The following PTPRD variants were observed in gnomAD, a reference collection of about 807,000 sequenced individuals.
PTPRD encodes receptor-type tyrosine-protein phosphatase delta.
Under a neutral mutation model 214.5 loss-of-function variants are expected in PTPRD, and 34 were observed. That is an observed-to-expected ratio of 0.16 (90% confidence interval 0.12 to 0.21). The LOEUF (loss-of-function observed/expected upper bound fraction) is 0.21, where lower values mean the gene tolerates loss of function less well. PTPRD is among the 10% of genes least tolerant of loss of function. PTPRD has a pLI of 1.00. For missense variants in PTPRD, 2,545 were observed against 2,398.7 expected, an observed-to-expected ratio of 1.06 and a Z score of -1.27; for synonymous variants, 1,128 against 845.7, an observed-to-expected ratio of 1.33 and a Z score of -5.79.
At chr9:9,201,539 T>A (rs1283301135) in intron 9 of PTPRD, among the ~76,000 whole-genome samples, 1 of 152,170 alleles carries the variant, frequency 6.6e-6, no homozygotes, top group Non-Finnish European at 1.5e-5. Flanking sequence ...AATAGAGTAC[T>A]ATATTATAGA....
chr9:9,871,987 C>T (rs1391223470), intron 5 of PTPRD, among the ~76,000 whole-genome samples: 1 of 152,088 alleles, frequency 6.6e-6, no homozygotes, highest in African/African-American at 2.4e-5. Flanking sequence ...TCATTTAATC[C>T]TCACCACAAA....
intron 9 of PTPRD, among the ~76,000 whole-genome samples, chr9:9,363,344 C>T (rs1002490720): frequency 6.6e-6 from 1 of 151,122 alleles, no homozygotes; most frequent in African/African-American, 2.4e-5. Flanking sequence ...CATATACAAG[C>T]TGGCATCATA....
chr9:9,875,752 A>G (rs924439130), intron 5 of PTPRD, among the ~76,000 whole-genome samples: 4 of 152,162 alleles, frequency 2.6e-5, no homozygotes, highest in African/African-American at 9.7e-5. Context: ...CTTTATAAAT[A>G]AAAAACATCC....
chr9:9,749,577 C>T (rs1433842133), intron 6 of PTPRD, among the ~76,000 whole-genome samples: 2 of 152,100 alleles, frequency 1.3e-5, no homozygotes, highest in South Asian at 2.1e-4. Flanking sequence ...CCTTTCATGA[C>T]TCCATAACAA....
At chr9:9,943,403 A>G (rs1298712706) in intron 4 of PTPRD, among the ~76,000 whole-genome samples, 1 of 152,154 alleles carries the variant, frequency 6.6e-6, no homozygotes, top group Non-Finnish European at 1.5e-5. Flanking sequence ...CAGGTCAGTA[A>G]GAAGTTTGAA....
rs1170190241 is a variant in PTPRD at position 9,037,472 on chromosome 9, A to G, written c.-142-18737T>C. Among the ~76,000 whole-genome samples the G allele has an allele frequency of 2.0e-5, 3 of 152,252 alleles. No individual in the cohort carries two copies. The East Asian group carries it at 5.8e-4, about 29-fold the overall frequency. On this transcript the variant is annotated intron_variant, in intron 10 of 45. Coordinates refer to ENST00000381196, the MANE Select transcript of PTPRD (RefSeq NM_002839.4). ...TTCAGCAGTACTAAGCTTTATAAATATAATGGATGGCAAAGATAGTTTGCT... is the reference window on the plus strand; with the variant it reads ...TTCAGCAGTACTAAGCTTTATAAATGTAATGGATGGCAAAGATAGTTTGCT...
chr9:9,956,280 TAAAAAAA>T (rs202114228), intron 4 of PTPRD, among the ~76,000 whole-genome samples: 1 of 127,574 alleles, frequency 7.8e-6, no homozygotes, highest in Non-Finnish European at 1.7e-5. Flanking sequence ...AAGTCAAACT[TAAAAAAA>T]AAAAAAAAAA....
chr9:8,355,637 T>A (rs7864500), intron 39 of PTPRD, among the ~76,000 whole-genome samples: 84,581 of 152,038 alleles, frequency 0.56, 26,158 homozygotes, highest in Non-Finnish European at 0.71. Context: ...ATAATTCAAC[T>A]CAATGGATGC....
chr9:9,747,559 TCCCTGAGA>T (rs2098470923), intron 6 of PTPRD, among the ~76,000 whole-genome samples: 1 of 98,084 alleles, frequency 1.0e-5, no homozygotes, highest in African/African-American at 4.1e-5. Flanking sequence ...TTTTTTTTTC[TCCCTGAGA>T]TGGAGTTTCA....
chr9:8,961,287 C>A (rs1054230582), intron 11 of PTPRD, among the ~76,000 whole-genome samples: 1 of 152,092 alleles, frequency 6.6e-6, no homozygotes, highest in South Asian at 2.1e-4. Context: ...ACAATGGTAT[C>A]TTTGTGGATT....
At chr9:9,796,672 C>G (rs1193830604) in intron 5 of PTPRD, among the ~76,000 whole-genome samples, 2 of 151,816 alleles carry the variant, frequency 1.3e-5, no homozygotes, top group African/African-American at 2.4e-5. Flanking sequence ...AAAAGGTAGG[C>G]AAGAACTAGT....
At chr9:9,970,950 G>C (rs937598081) in intron 4 of PTPRD, among the ~76,000 whole-genome samples, 2 of 152,018 alleles carry the variant, frequency 1.3e-5, no homozygotes, top group Non-Finnish European at 2.9e-5. Flanking sequence ...TAAATTTTCA[G>C]CTTTGTTGCT....
chr9:9,870,279 T>C (rs949808503), intron 5 of PTPRD, among the ~76,000 whole-genome samples: 3 of 152,002 alleles, frequency 2.0e-5, no homozygotes, highest in African/African-American at 4.8e-5. Flanking sequence ...ATAAAAACAA[T>C]TATAATGATA....
intron 11 of PTPRD, among the ~76,000 whole-genome samples, chr9:8,948,804 GC>G (rs1397632076): frequency 6.6e-6 from 1 of 151,030 alleles, no homozygotes; most frequent in Non-Finnish European, 1.5e-5. Context: ...GATGGATGAA[GC>G]CATAATTCTG....
intron 2 of PTPRD, among the ~76,000 whole-genome samples, chr9:10,476,798 C>G (rs1291847710): frequency 1.3e-5 from 2 of 152,026 alleles, no homozygotes; most frequent in Non-Finnish European, 2.9e-5. Context: ...GATATACAGA[C>G]CAAGGGAACA....
At chr9:9,629,251 T>TAC (rs2095516023) in intron 7 of PTPRD, among the ~76,000 whole-genome samples, 1 of 150,182 alleles carries the variant, frequency 6.7e-6, no homozygotes, top group Non-Finnish European at 1.5e-5. Context: ...TATATATATA[T>TAC]ATATATGAAC....
intron 3 of PTPRD, among the ~76,000 whole-genome samples, chr9:10,076,597 C>G (rs964336126): frequency 3.3e-5 from 5 of 152,046 alleles, no homozygotes; most frequent in South Asian, 2.1e-4. Context: ...GGCCCCTGAG[C>G]AGGTCTGTCA....
intron 3 of PTPRD, among the ~76,000 whole-genome samples, chr9:10,091,447 G>C (rs2098428971): frequency 6.6e-6 from 1 of 151,416 alleles, no homozygotes. Flanking sequence ...TTAGCAAGTA[G>C]AGTTATATGT....
chr9:8,735,443 C>G (rs1483014265), intron 11 of PTPRD, among the ~76,000 whole-genome samples: 1 of 152,026 alleles, frequency 6.6e-6, no homozygotes, highest in Non-Finnish European at 1.5e-5. Flanking sequence ...CACTCTTGGC[C>G]TACCAAAGTG....
Sources: gnomAD v4.1 joint callset for allele counts (sites outside exome capture counted in the v4.1 genomes callset) on GRCh38, gnomAD v4.1.1 for gene constraint, MANE v1.5 for transcripts, NCBI Gene and HGNC (gene_info 2026-07-23, HGNC 2026-07-21) for gene names.